The following LRRK1 variants were observed in gnomAD, a reference collection of about 807,000 sequenced individuals.
LRRK1 encodes leucine-rich repeat serine/threonine-protein kinase 1.
Under a neutral mutation model 209.1 loss-of-function variants are expected in LRRK1, and 113 were observed. The ratio of observed to expected loss-of-function variants is 0.54; its 90% CI spans 0.46 to 0.63. The LOEUF is 0.63. LRRK1 is among the 30% of genes least tolerant of loss of function. The probability of loss-of-function intolerance (pLI) is 0.00; values close to 1 mark genes in which losing one functional copy is unlikely to be tolerated. For missense variants in LRRK1, 2,284 were observed against 2,632.2 expected (o/e 0.87, Z 2.89); for synonymous variants, 1,144 against 1,099.7 (o/e 1.04, Z -0.80).
chr15:101,057,966 CTT>C, intron 28 of LRRK1, 22 bp from the exon 29 acceptor site: 1 of 1,613,748 alleles, frequency 6.2e-7, no homozygotes, highest in Non-Finnish European at 8.5e-7. Context: ...ACCTTGCTCT[CTT>C]CTGGTGGCTT....
chr15:100,960,947 G>C (rs984747451), intron 2 of LRRK1, among the ~76,000 whole-genome samples: 2 of 152,118 alleles, frequency 1.3e-5, no homozygotes, highest in Non-Finnish European at 2.9e-5. Flanking sequence ...CCACATTTCT[G>C]CCATGCATGT....
At chr15:100,924,229 C>T (rs1245790671) in intron 1 of LRRK1, among the ~76,000 whole-genome samples, 1 of 152,176 alleles carries the variant, frequency 6.6e-6, no homozygotes, top group Non-Finnish European at 1.5e-5. Context: ...AGTAGGTGTG[C>T]GTTGACTGAA....
chr15:101,066,227 C>T, intron 32 of LRRK1, 22 bp downstream of exon 32: 4 of 1,584,490 alleles, frequency 2.5e-6, no homozygotes, highest in Non-Finnish European at 3.4e-6. Context: ...GAGGTGAGGG[C>T]ACCATCCAGG....
At position 100,983,523 on chromosome 15, in the gene LRRK1, A is replaced by G; in HGVS notation, c.262-5A>G. 6.3e-7 allele frequency: 1 copy of G among 1,588,822 alleles called. No homozygotes were observed. The highest frequency in any genetic ancestry group is 1.4e-5 in the African/African-American group (1 of 73,852). On this transcript the variant is annotated splice_region_variant and splice_polypyrimidine_tract_variant and intron_variant, in intron 3 of 33. Transcript: ENST00000388948. ...CTCACTGGAGCCCTGTTCTGTTTTGACCAGGGCCAGCTTCTGAGCATCCCG... is the reference window on the plus strand; with the variant it reads ...CTCACTGGAGCCCTGTTCTGTTTTGGCCAGGGCCAGCTTCTGAGCATCCCG...
At position 100,949,904 on chromosome 15, in the gene LRRK1, C is replaced by G. The variant is rs187529276; in HGVS notation, c.98-23900C>G. Among the ~76,000 whole-genome samples, 45 of 151,996 alleles carry G rather than the reference C, an allele frequency of 3.0e-4. 1 individual carries two copies. The East Asian group carries it at 8.5e-3, about 29-fold the overall frequency. ...CTGTTAACAAAAAAAAAACCCATAA[C>G]TAACATCATACTTAATAGTGAAAGA... is the stretch of plus-strand genomic sequence containing the variant. On this transcript the variant is annotated intron_variant, in intron 2 of 33. Transcript: ENST00000388948.
chr15:100,983,150 G>A (rs2031695838), intron 3 of LRRK1, among the ~76,000 whole-genome samples: 1 of 152,124 alleles, frequency 6.6e-6, no homozygotes, highest in South Asian at 2.1e-4. Context: ...ACTCCAGCTT[G>A]GGTAACAGAG....
intron 4 of LRRK1, among the ~76,000 whole-genome samples, chr15:100,984,016 C>T (rs1025482185): frequency 1.3e-5 from 2 of 152,080 alleles, no homozygotes; most frequent in Admixed American, 1.3e-4. Context: ...TTGGAATGTA[C>T]GGAGTTCCAG....
intron 6 of LRRK1, among the ~76,000 whole-genome samples, chr15:101,001,804 T>C (rs528618868): frequency 3.2e-4 from 49 of 152,184 alleles, no homozygotes; most frequent in Admixed American, 6.5e-4. Flanking sequence ...GGGGGAAGAT[T>C]CTTACTCATG....
intron 2 of LRRK1, among the ~76,000 whole-genome samples, chr15:100,960,020 A>G (rs2042843890): frequency 6.6e-6 from 1 of 152,186 alleles, no homozygotes; most frequent in Non-Finnish European, 1.5e-5. Flanking sequence ...TACTTTGTCA[A>G]CCTGAAAAGC....
At chr15:100,922,751 T>C (rs537406268) in intron 1 of LRRK1, among the ~76,000 whole-genome samples, 5 of 152,348 alleles carry the variant, frequency 3.3e-5, no homozygotes, top group Non-Finnish European at 5.9e-5. Flanking sequence ...TGATCGTTTT[T>C]CCTTTCCTCC....
At chr15:101,067,092 C>G (rs2036573556) in intron 33 of LRRK1, 1 of 363,900 alleles carries the variant, frequency 2.7e-6, no homozygotes. Flanking sequence ...GCAGGAAACC[C>G]TACCCGAGGT....
chr15:101,061,320 G>T, intron 30 of LRRK1, 32 bp downstream of exon 30: 1 of 1,491,602 alleles, frequency 6.7e-7, no homozygotes, highest in Non-Finnish European at 9.3e-7. Flanking sequence ...GCCCACCGAG[G>T]TAAGCACTGC....
intron 2 of LRRK1, among the ~76,000 whole-genome samples, chr15:100,941,343 TGTCTTTGTGTGTGTGTGTGTGTGC>T (rs2042410292): frequency 1.4e-5 from 2 of 147,804 alleles, no homozygotes; most frequent in Admixed American, 6.6e-5. Flanking sequence ...TCTCTGTGTG[TGTCTTTGTGTGTGTGTGTGTGTGC>T]CTGTATGTGT....
At chr15:100,983,881 G>A (rs371413765) in intron 4 of LRRK1, 182 bp downstream of exon 4, 3 of 760,408 alleles carry the variant, frequency 3.9e-6, no homozygotes, top group African/African-American at 3.4e-5. Context: ...TCACTCCCAT[G>A]AACTCATAAG....
At chr15:101,059,968 G>A (rs1176667288) in intron 29 of LRRK1, among the ~76,000 whole-genome samples, 1 of 152,182 alleles carries the variant, frequency 6.6e-6, no homozygotes, top group Non-Finnish European at 1.5e-5. Context: ...GCCCTGCCCT[G>A]CTGGCCTAGA....
rs892614928 is a variant in LRRK1, at chr15:101,074,245, A to T, written c.*5397A>T. On this transcript the variant is annotated 3_prime_UTR_variant, in exon 34 of 34. Transcript: ENST00000388948. ...CCTTGCCAGGCCGAGCTAGGTCCCA[A>T]TTCTTCCTCAGCCTCCGCTCCTCCA... The T allele has an allele frequency of 1.3e-5, 2 of 151,936 alleles. No individual in the cohort carries two copies. Among genetic ancestry groups the T allele is most frequent in the Non-Finnish European group, 2.9e-5 (2 of 68,008 alleles). 9.4% of individuals were successfully genotyped at this position (151,936 alleles called of 1,614,324 possible).
intron 3 of LRRK1, 65 bp from the exon 4 acceptor site, chr15:100,983,463 C>T (rs1296654952): frequency 6.9e-6 from 10 of 1,451,710 alleles, no homozygotes; most frequent in East Asian, 4.7e-5. Flanking sequence ...AAGGGTTTAA[C>T]GTCAGTTGTC....
At chr15:100,926,874 G>A (rs1271405470) in intron 2 of LRRK1, among the ~76,000 whole-genome samples, 5 of 151,812 alleles carry the variant, frequency 3.3e-5, no homozygotes, top group African/African-American at 7.3e-5. Flanking sequence ...TAGTAGAGAC[G>A]AAGTTTCACC....
At chr15:100,920,393 G>A (rs2042000355) in intron 1 of LRRK1, 1 of 152,216 alleles carries the variant, frequency 6.6e-6, no homozygotes, top group Admixed American at 6.5e-5. Context: ...TTTGGAAAAT[G>A]TTAACATTAA....
Sources: allele counts gnomAD v4.1 joint callset (sites outside exome capture counted in the v4.1 genomes callset), GRCh38; gene constraint gnomAD v4.1.1; transcripts MANE v1.5; gene names NCBI Gene and HGNC (gene_info 2026-07-23, HGNC 2026-07-21).